Variants in RBFOX1 observed in about 807,000 individuals in gnomAD.
RBFOX1 encodes the protein RNA binding protein fox-1 homolog 1.
Under a neutral mutation model 57.7 loss-of-function variants are expected in RBFOX1, and 8 were observed. The ratio of observed to expected loss-of-function variants is 0.14; its 90% confidence interval spans 0.08 to 0.25. The LOEUF (loss-of-function observed/expected upper bound fraction) is 0.25. Ranked by LOEUF, RBFOX1 falls within the 10% of genes least tolerant of loss-of-function variation. The pLI, the probability that RBFOX1 is intolerant of heterozygous loss-of-function variation, is 1.00. For synonymous variants in RBFOX1, 326 were observed against 222.4 expected, an observed-to-expected ratio of 1.47 and a Z score of -4.15; for missense variants, 611 against 548.5, an observed-to-expected ratio of 1.11 and a Z score of -1.14.
intron 1 of RBFOX1, among the ~76,000 whole-genome samples, chr16:6,025,915 T>A (rs2095183186): frequency 6.6e-6 from 1 of 152,210 alleles, no homozygotes; most frequent in East Asian, 1.9e-4. Context: ...AACATCAGAA[T>A]AAGTGTACAT....
At chr16:7,011,434 T>G (rs547117067) in intron 3 of RBFOX1, among the ~76,000 whole-genome samples, 20 of 152,264 alleles carry the variant, frequency 1.3e-4, no homozygotes, top group Admixed American at 1.3e-3. Context: ...TTAAAACAGG[T>G]TGGGCCTTCC....
chr16:6,134,243 C>A (rs74005149), intron 1 of RBFOX1, among the ~76,000 whole-genome samples: 1 of 152,116 alleles, frequency 6.6e-6, no homozygotes, highest in Non-Finnish European at 1.5e-5. Context: ...AGCCTAATTT[C>A]TTTCTTATAG....
At chr16:6,839,240 C>A (rs901935695) in intron 3 of RBFOX1, among the ~76,000 whole-genome samples, 1 of 152,114 alleles carries the variant, frequency 6.6e-6, no homozygotes, top group African/African-American at 2.4e-5. Flanking sequence ...CCGCCTCAGC[C>A]CCCCAAAGTG....
At chr16:5,279,971 G>A (rs1382302045) in intron 1 of RBFOX1, among the ~76,000 whole-genome samples, 1 of 152,188 alleles carries the variant, frequency 6.6e-6, no homozygotes, top group African/African-American at 2.4e-5. Context: ...GTGCCATACT[G>A]TGTTGAATAG....
chr16:5,253,300 C>T (rs141465636), intron 1 of RBFOX1, among the ~76,000 whole-genome samples: 1 of 152,254 alleles, frequency 6.6e-6, no homozygotes, highest in Non-Finnish European at 1.5e-5. Context: ...GAGGCACCCA[C>T]AACCACACCC....
intron 1 of RBFOX1, among the ~76,000 whole-genome samples, chr16:6,131,249 A>C (rs1014474710): frequency 1.3e-5 from 2 of 152,226 alleles, no homozygotes; most frequent in African/African-American, 2.4e-5. Flanking sequence ...ATTTATCAAA[A>C]GTCTTTAAAT....
At chr16:5,974,998 A>G (rs1045436026) in intron 4 of RBFOX1, among the ~76,000 whole-genome samples, 4 of 152,172 alleles carry the variant, frequency 2.6e-5, no homozygotes, top group African/African-American at 9.7e-5. Context: ...ACAAGAGCGA[A>G]ACTCCGTCTC....
intron 2 of RBFOX1, among the ~76,000 whole-genome samples, chr16:5,521,275 C>T (rs527982785): frequency 1.5e-5 from 2 of 134,980 alleles, no homozygotes; most frequent in East Asian, 4.4e-4. Context: ...AGTGCTTTCT[C>T]AAGGGAGGCC....
At chr16:6,395,462 T>G (rs533494759) in intron 2 of RBFOX1, among the ~76,000 whole-genome samples, 2 of 152,344 alleles carry the variant, frequency 1.3e-5, no homozygotes, top group East Asian at 3.9e-4. Flanking sequence ...TTCTACCTTG[T>G]GACTATTGCA....
intron 4 of RBFOX1, among the ~76,000 whole-genome samples, chr16:7,179,963 G>C (rs1054073463): frequency 5.3e-5 from 8 of 151,684 alleles, no homozygotes; most frequent in African/African-American, 1.9e-4. Context: ...GGCAGATCTA[G>C]AACTCCTGAC....
intron 3 of RBFOX1, among the ~76,000 whole-genome samples, chr16:6,971,676 T>G (rs562523780): frequency 1.3e-5 from 2 of 152,152 alleles, no homozygotes; most frequent in African/African-American, 4.8e-5. Flanking sequence ...TAGTCCTGGA[T>G]AGAGATGACT....
At chr16:6,313,294 A>G (rs963189702) in intron 1 of RBFOX1, among the ~76,000 whole-genome samples, 3 of 152,216 alleles carry the variant, frequency 2.0e-5, no homozygotes, top group African/African-American at 7.2e-5. Context: ...GAAGCCAGCA[A>G]TGTAGGATTT....
At chr16:7,609,339 A>G (rs190026308) in intron 10 of RBFOX1, among the ~76,000 whole-genome samples, 21 of 152,280 alleles carry the variant, frequency 1.4e-4, no homozygotes, top group Admixed American at 5.2e-4. Flanking sequence ...CCTTGGGTCT[A>G]TTAAGCAGGA....
At chr16:7,616,595 A>C (rs906585532) in intron 10 of RBFOX1, among the ~76,000 whole-genome samples, 1 of 152,028 alleles carries the variant, frequency 6.6e-6, no homozygotes, top group Non-Finnish European at 1.5e-5. Flanking sequence ...GGAGTCTCTC[A>C]CTCTGTCACC....
At chr16:7,013,631 G>A (rs1237914174) in intron 3 of RBFOX1, among the ~76,000 whole-genome samples, 1 of 152,202 alleles carries the variant, frequency 6.6e-6, no homozygotes, top group Non-Finnish European at 1.5e-5. Context: ...GAATCAGGGA[G>A]GAGGGAGGAT....
At chr16:5,697,639 T>C (rs1236740361) in intron 3 of RBFOX1, among the ~76,000 whole-genome samples, 1 of 151,102 alleles carries the variant, frequency 6.6e-6, no homozygotes, top group East Asian at 1.9e-4. Flanking sequence ...GTTCAAGCGA[T>C]TCTTCTGCCT....
intron 4 of RBFOX1, among the ~76,000 whole-genome samples, chr16:7,148,635 A>T (rs533819940): frequency 6.6e-6 from 1 of 152,320 alleles, no homozygotes; most frequent in African/African-American, 2.4e-5. Context: ...CTTGTGATAA[A>T]TTCCAGTTGT....
intron 4 of RBFOX1, among the ~76,000 whole-genome samples, chr16:7,478,605 T>G (rs1000557650): frequency 1.3e-5 from 2 of 152,180 alleles, no homozygotes; most frequent in African/African-American, 4.8e-5. Flanking sequence ...TGACACAAAC[T>G]GGATTGGTCA....
At chr16:5,536,622 T>C (rs2044708512) in intron 2 of RBFOX1, among the ~76,000 whole-genome samples, 1 of 152,116 alleles carries the variant, frequency 6.6e-6, no homozygotes, top group South Asian at 2.1e-4. Flanking sequence ...TTATGGGTGA[T>C]GTCAGCTGCA....
Sources: gnomAD v4.1 joint callset for allele counts (sites outside exome capture counted in the v4.1 genomes callset) on GRCh38, gnomAD v4.1.1 for gene constraint, MANE v1.5 for transcripts, NCBI Gene and HGNC (gene_info 2026-07-23, HGNC 2026-07-21) for gene names.